The following PTRH1 variants were observed in gnomAD, a reference collection of about 807,000 sequenced individuals.
PTRH1 encodes peptidyl-tRNA hydrolase 1 homolog, also known as peptidyl-tRNA hydrolase.
Under a neutral mutation model 15.7 loss-of-function variants are expected in PTRH1, and 13 were observed. The observed-to-expected ratio is 0.83, with a 90% CI of 0.54 to 1.31. The LOEUF (loss-of-function observed/expected upper bound fraction) is 1.31. PTRH1 is among the 40% of genes most tolerant of loss of function. The probability of loss-of-function intolerance (pLI) is 0.00; values close to 1 mark genes in which losing one functional copy is unlikely to be tolerated. For missense variants in PTRH1, 319 were observed against 296.2 expected (o/e 1.08, Z -0.56); for synonymous variants, 139 against 136.7 (o/e 1.02, Z -0.12).
chr9:127,697,919 A>C (rs1033893734), intron 1 of PTRH1, among the ~76,000 whole-genome samples: 1 of 152,230 alleles, frequency 6.6e-6, no homozygotes, highest in African/African-American at 2.4e-5. Flanking sequence ...AGCACAGACA[A>C]AACAAGAAAA....
chr9:127,712,625 A>G, downstream of PTRH1: 1 of 1,609,406 alleles, frequency 6.2e-7, no homozygotes. Flanking sequence ...CTTCGTGGAA[A>G]TGGGCACTGA....
In PTRH1 at chr9:127,714,610, T is replaced by C. The variant is rs756589563; in HGVS notation, c.409A>G (p.Ser137Gly). The C allele has an allele frequency of 7.4e-6, 12 of 1,613,740 alleles. No homozygotes were observed. The highest frequency in any genetic ancestry group is 1.0e-5 in the Non-Finnish European group (12 of 1,179,850). The change falls in exon 3 of 5, where the codon AGT (serine) becomes GGT (glycine). Residue 137 changes from serine to glycine, a missense_variant. Ser to Gly is a moderately conservative substitution (Grantham distance 56). Transcript: ENST00000543175. ...LGRLALKLGG[S>G]ARGHNGVRSC... ...ACCATCTCAGGACCTCACCTGGCAC[T>C]GCCCCCCAGCTTCAGAGCCAGTCTC...
At chr9:127,714,910 T>C (rs1348347017) in intron 2 of PTRH1, 65 bp downstream of exon 2, 8 of 926,810 alleles carry the variant, frequency 8.6e-6, no homozygotes. Context: ...TGCTCCCCTC[T>C]GGCCCCCGCG....
At chr9:127,711,641 A>G, downstream of PTRH1, 1 of 1,207,502 alleles carries the variant, frequency 8.3e-7, no homozygotes. Flanking sequence ...TGGGGGCTGC[A>G]GGGTGCTGGG....
chr9:127,703,000 T>C (rs1369455324), intron 1 of PTRH1, among the ~76,000 whole-genome samples: 1 of 151,148 alleles, frequency 6.6e-6, no homozygotes, highest in Non-Finnish European at 1.5e-5. Context: ...GGATTACAGG[T>C]GTGAGCCACT....
At chr9:127,703,656 C>T (rs757876283) in intron 1 of PTRH1, among the ~76,000 whole-genome samples, 5 of 152,202 alleles carry the variant, frequency 3.3e-5, no homozygotes, top group African/African-American at 9.7e-5. Flanking sequence ...AAAGCAAAAA[C>T]CCACGTGCCA....
In PTRH1 at chr9:127,705,109, A is replaced by G. The variant is rs1276968067; in HGVS notation, c.206-9968T>C. The stretch of plus-strand genomic sequence containing the variant: ...CCCAGGGCCTAGGTTTCTTCCCTCC[A>G]AAGTCTCCCAGAGGTGACAGTGCCC... On this transcript the variant is annotated intron_variant, in intron 1 of 2. Coordinates refer to the PTRH1 transcript ENST00000335223. The surrounding 1 kb of genome is among the most constrained non-coding windows in gnomAD (Gnocchi z 4.7). Among the ~76,000 whole-genome samples the G allele has an allele frequency of 6.6e-6, 1 of 151,984 alleles. No individual in the cohort carries two copies. Among genetic ancestry groups the G allele is most frequent in the Non-Finnish European group, 1.5e-5 (1 of 67,952 alleles).
intron 1 of PTRH1, among the ~76,000 whole-genome samples, chr9:127,704,895 G>A (rs1378635822): frequency 6.6e-6 from 1 of 151,846 alleles, no homozygotes; most frequent in Non-Finnish European, 1.5e-5. Flanking sequence ...ACTACAGGCG[G>A]ATGCCACCAG....
At chr9:127,704,535 G>T (rs936584920) in intron 1 of PTRH1, among the ~76,000 whole-genome samples, 2 of 148,456 alleles carry the variant, frequency 1.3e-5, no homozygotes, top group African/African-American at 4.9e-5. Context: ...AAAAGAAAAA[G>T]AAAAAAAATG....
intron 1 of PTRH1, chr9:127,707,097 G>A (rs1184285766): frequency 6.2e-7 from 1 of 1,613,854 alleles, no homozygotes; most frequent in Non-Finnish European, 8.5e-7. Flanking sequence ...AAGGGGGCAA[G>A]AAGGAGCCGG....
At position 127,714,506 on chromosome 9, in the gene PTRH1, C is replaced by A; in HGVS notation, c.417-82G>T. Reference sequence around the variant, plus strand: ...CCTCCCTGCCCCGGCTGGGTCAGAGCAGCCCATTTCCTGTGGAGACTGGGT... The same window carrying A: ...CCTCCCTGCCCCGGCTGGGTCAGAGAAGCCCATTTCCTGTGGAGACTGGGT... On this transcript the variant is annotated intron_variant, in intron 3 of 4. Coordinates refer to ENST00000543175, the MANE Select transcript of PTRH1 (RefSeq NM_001002913.3). 1.9e-6 allele frequency: 3 copies of A among 1,598,684 alleles called. No individual in the cohort carries two copies. The South Asian group carries it at 3.3e-5, about 18-fold the overall frequency.
chr9:127,714,398 A>G lies in PTRH1; in HGVS notation c.443T>C (p.Ile148Thr), dbSNP rs1842859348. ...ARGHNGVRSC[I>T]SCLNSNAMPR... ...ACTCACATTGGAGTTGAGGCAGCTAATGCAGGAACGGACTCCATTGTGGCC... is the reference window on the plus strand; with the variant it reads ...ACTCACATTGGAGTTGAGGCAGCTAGTGCAGGAACGGACTCCATTGTGGCC... The change falls in exon 4 of 5, where the codon ATT (isoleucine) becomes ACT (threonine). Residue 148 changes from isoleucine to threonine, a missense_variant. Transcript: ENST00000543175. 8 of 1,614,232 alleles carry G rather than the reference A, an allele frequency of 5.0e-6. No individual in the cohort carries two copies. The highest frequency in any genetic ancestry group is 6.8e-6 in the Non-Finnish European group (8 of 1,180,028).
At chr9:127,710,599 AG>A, downstream of PTRH1, 5 of 1,578,458 alleles carry the variant, frequency 3.2e-6, no homozygotes, top group Admixed American at 1.8e-5. Flanking sequence ...TGTGGCGGCC[AG>A]GGGGGAAGCT....
chr9:127,695,522 T>C (rs190683590), intron 1 of PTRH1: 2 of 189,052 alleles, frequency 1.1e-5, no homozygotes, highest in East Asian at 2.9e-4. Context: ...AGCCACTCCC[T>C]AAGCGCAGTT....
intron 1 of PTRH1, among the ~76,000 whole-genome samples, chr9:127,701,914 CAA>C (rs111470749): frequency 1.5e-5 from 2 of 135,388 alleles, no homozygotes. Context: ...AACTCTGTCT[CAA>C]AAAAAAAAAA....
chr9:127,710,394 T>C (rs963000725), downstream of PTRH1, among the ~76,000 whole-genome samples: 3 of 151,396 alleles, frequency 2.0e-5, no homozygotes, highest in African/African-American at 7.3e-5. Flanking sequence ...ATAAGATTCA[T>C]GGAGGGGTGG....
At chr9:127,711,247 C>T (rs766081754), downstream of PTRH1, 13 of 1,614,084 alleles carry the variant, frequency 8.1e-6, no homozygotes, top group East Asian at 2.9e-4. Flanking sequence ...AAGAGATCAT[C>T]CAGCGCGTGA....
chr9:127,712,801 C>T (rs1564367245), downstream of PTRH1: 1 of 1,614,194 alleles, frequency 6.2e-7, no homozygotes. Context: ...TGCTCAGCTC[C>T]ACTGTGGCCA....
intron 1 of PTRH1, among the ~76,000 whole-genome samples, chr9:127,702,819 C>T (rs1270453567): frequency 6.6e-6 from 1 of 151,792 alleles, no homozygotes; most frequent in African/African-American, 2.4e-5. Context: ...TCAAACGATT[C>T]TCCTACCTCA....
Sources: allele counts gnomAD v4.1 joint callset (sites outside exome capture counted in the v4.1 genomes callset), GRCh38; gene constraint gnomAD v4.1.1; non-coding constraint Gnocchi (gnomAD v3.1); transcripts MANE v1.5; gene names NCBI Gene and HGNC (gene_info 2026-07-23, HGNC 2026-07-21).